The following KIAA1549L variants were observed in gnomAD, a reference collection of about 807,000 sequenced individuals.
KIAA1549L encodes the protein UPF0606 protein KIAA1549L.
KIAA1549L carries 88 observed loss-of-function variants against 160.7 expected under a neutral mutation model. The ratio of observed to expected loss-of-function variants is 0.55; its 90% CI spans 0.46 to 0.65. The LOEUF (loss-of-function observed/expected upper bound fraction) is 0.65, where lower values mean the gene tolerates loss of function less well. Among genes scored for constraint, KIAA1549L ranks in the 30% least tolerant of loss-of-function variants. The pLI, the probability that KIAA1549L is intolerant of heterozygous loss-of-function variation, is 0.00. For missense variants in KIAA1549L, 2,258 were observed against 2,437.5 expected, an observed-to-expected ratio of 0.93 and a Z score of 1.55; for synonymous variants, 950 against 976.7, an observed-to-expected ratio of 0.97 and a Z score of 0.51.
chr11:33,504,881 C>T (rs1853044280), intron 1 of KIAA1549L, among the ~76,000 whole-genome samples: 1 of 152,198 alleles, frequency 6.6e-6, no homozygotes, highest in African/African-American at 2.4e-5. Context: ...ATCTTCCTGC[C>T]TCAGTCTCCC....
chr11:33,640,114 ATGTG>A (rs144060713), intron 16 of KIAA1549L, among the ~76,000 whole-genome samples: 1 of 152,148 alleles, frequency 6.6e-6, no homozygotes, highest in Non-Finnish European at 1.5e-5. Flanking sequence ...GCCTGCATAT[ATGTG>A]TGTGTGTTTA....
rs1046791176 is a variant in KIAA1549L at position 33,670,689 on chromosome 11, G to A, written c.*2535G>A. ...CTCATAGAGGTGAGAGAGATGACTG[G>A]ACAGCTGACTCTAAGAGATGGTCAA... is the stretch of plus-strand genomic sequence containing the variant. On this transcript the variant is annotated 3_prime_UTR_variant, in exon 21 of 21. Transcript: ENST00000658780. The A allele has an allele frequency of 2.0e-5, 3 of 152,190 alleles. No individual in the cohort carries two copies. Among genetic ancestry groups the A allele is most frequent in the Non-Finnish European group, 4.4e-5 (3 of 68,048 alleles). The allele number at this position is 152,190 out of a possible 1,614,324, so 9.4% of individuals were successfully genotyped here. A position where few individuals can be genotyped will look rare whatever the true frequency, so the allele number is the denominator to read the frequency against.
chr11:33,531,898 T>C (rs1197448978), intron 1 of KIAA1549L, among the ~76,000 whole-genome samples: 1 of 152,184 alleles, frequency 6.6e-6, no homozygotes, highest in African/African-American at 2.4e-5. Flanking sequence ...CCGTGCTCAG[T>C]AATGTTTGCC....
chr11:33,526,007 C>T (rs927811227), intron 1 of KIAA1549L, among the ~76,000 whole-genome samples: 6 of 152,026 alleles, frequency 3.9e-5, no homozygotes, highest in Non-Finnish European at 5.9e-5. Flanking sequence ...AGTTCAGACC[C>T]GCCTACCCCA....
intron 16 of KIAA1549L, among the ~76,000 whole-genome samples, chr11:33,637,465 C>T (rs1851465748): frequency 6.6e-6 from 1 of 152,258 alleles, no homozygotes; most frequent in South Asian, 2.1e-4. Flanking sequence ...CCTGCATGAT[C>T]TGGACCCTGC....
At position 33,667,094 on chromosome 11, in the gene KIAA1549L, G is replaced by C. The variant is rs925629035; in HGVS notation, c.6160-779G>C. Among the ~76,000 whole-genome samples, 18 of 152,174 alleles carry C rather than the reference G, an allele frequency of 1.2e-4. 1 individual carries two copies. Among genetic ancestry groups the C allele is most frequent in the African/African-American group, 4.1e-4 (17 of 41,442 alleles). On this transcript the variant is annotated intron_variant, in intron 20 of 20. Coordinates refer to ENST00000658780, the MANE Select transcript of KIAA1549L (RefSeq NM_012194.3). ...CACCTGTAGTCCCAGCTACTCAGGAGGCTGAGGCAGGAGAATCACTCGAGC... is the reference window on the plus strand; with the variant it reads ...CACCTGTAGTCCCAGCTACTCAGGACGCTGAGGCAGGAGAATCACTCGAGC...
rs1368667416 is a variant in KIAA1549L at position 33,418,128 on chromosome 11, A to AG, written c.238+41241dup. Among the ~76,000 whole-genome samples, 3 of 152,306 alleles carry AG rather than the reference A, an allele frequency of 2.0e-5. No homozygotes were observed. The East Asian group carries it at 5.8e-4, about 29-fold the overall frequency. On this transcript the variant is annotated intron_variant, in intron 1 of 20. Transcript: ENST00000658780. ...TTTTCTTTATAACAATATTCGCTATAGGTCATATATATTGTGTTTATTGTT... is the reference window on the plus strand; with the variant it reads ...TTTTCTTTATAACAATATTCGCTATAGGGTCATATATATTGTGTTTATTGTT...
At chr11:33,574,561 G>A in intron 9 of KIAA1549L, 141 bp from the exon 10 acceptor site, 1 of 647,786 alleles carries the variant, frequency 1.5e-6, no homozygotes, top group Non-Finnish European at 2.6e-6. Context: ...TGAGAGGCTG[G>A]ATATAGGGAG....
Position 33,388,341 on chromosome 11 carries a change from C to T in KIAA1549L, c.238+11452C>T, listed in dbSNP as rs190648490. 7.3e-3 allele frequency among the ~76,000 whole-genome samples: 1,111 copies of T among 151,946 alleles called. 13 individuals are homozygous for T. The highest frequency in any genetic ancestry group is 0.026 in the South Asian group (123 of 4,808). ...TGAGAACTCACTATCAGAAGAATAG[C>T]GTAGGGGTAACTGCCCCCATGATTC... On this transcript the variant is annotated intron_variant, in intron 1 of 20. Transcript: ENST00000658780.
Position 33,507,065 on chromosome 11 carries a change from T to C in KIAA1549L, c.239-34737T>C, listed in dbSNP as rs572616708. ...TCCAGGGAAAATACCAAATTGCTGGTAACCTAAATGGGAACCAGCAAGGTG... is the reference window on the plus strand; with the variant it reads ...TCCAGGGAAAATACCAAATTGCTGGCAACCTAAATGGGAACCAGCAAGGTG... On this transcript the variant is annotated intron_variant, in intron 1 of 20. Transcript: ENST00000658780. Among the ~76,000 whole-genome samples the C allele has an allele frequency of 2.6e-4, 40 of 152,268 alleles. No individual in the cohort carries two copies. The East Asian group carries it at 7.6e-3, about 29-fold the overall frequency.
chr11:33,636,349 CTTTT>C (rs71034697), intron 16 of KIAA1549L, among the ~76,000 whole-genome samples: 3 of 136,132 alleles, frequency 2.2e-5, no homozygotes, highest in Non-Finnish European at 1.6e-5. Context: ...AATGAATCTT[CTTTT>C]TTTTTTTTTT....
At chr11:33,580,976 G>A (rs948840351) in intron 10 of KIAA1549L, among the ~76,000 whole-genome samples, 6 of 151,994 alleles carry the variant, frequency 3.9e-5, no homozygotes, top group African/African-American at 1.4e-4. Context: ...AGGGAGGGAG[G>A]CAAGGGTCCC....
At chr11:33,583,782 C>T (rs746906850) in intron 11 of KIAA1549L, among the ~76,000 whole-genome samples, 5 of 152,062 alleles carry the variant, frequency 3.3e-5, no homozygotes, top group Non-Finnish European at 7.3e-5. Context: ...ATGAGGAAAC[C>T]GAGGCATAGA....
Position 33,609,917 on chromosome 11 carries a change from T to C in KIAA1549L, c.5230T>C (p.Leu1744=), listed in dbSNP as rs574580802. The C allele has an allele frequency of 8.1e-6, 13 of 1,614,028 alleles. No homozygotes were observed. The South Asian group carries it at 1.2e-4, about 15-fold the overall frequency. The part of the protein sequence containing the change: ...EKAPKEMEHV[L]DPDSELCAPF... Reference sequence around the variant, plus strand: ...AGCCCCGAAGGAAATGGAGCATGTTTTGGATCCAGATTCAGAACTCTGTGC... The same window carrying C: ...AGCCCCGAAGGAAATGGAGCATGTTCTGGATCCAGATTCAGAACTCTGTGC... The change falls in exon 15 of 21, where the codon TTG becomes CTG. Residue 1744 remains leucine, a synonymous_variant. Coordinates refer to ENST00000658780, the MANE Select transcript of KIAA1549L (RefSeq NM_012194.3).
chr11:33,532,079 G>C (rs570750311), intron 1 of KIAA1549L, among the ~76,000 whole-genome samples: 2 of 152,276 alleles, frequency 1.3e-5, no homozygotes, highest in Non-Finnish European at 2.9e-5. Context: ...TGGAGTCCCA[G>C]GGCTGAGTCA....
intron 1 of KIAA1549L, among the ~76,000 whole-genome samples, chr11:33,433,980 A>G (rs1851304653): frequency 6.6e-6 from 1 of 151,950 alleles, no homozygotes; most frequent in Non-Finnish European, 1.5e-5. Flanking sequence ...GGATGGGTCA[A>G]TAGGTGGAGC....
intron 1 of KIAA1549L, among the ~76,000 whole-genome samples, chr11:33,409,058 G>A (rs1338003296): frequency 1.3e-5 from 2 of 151,698 alleles, no homozygotes; most frequent in Non-Finnish European, 2.9e-5. Flanking sequence ...ACAATAGTCA[G>A]AGGTTAGAAA....
chr11:33,408,414 A>G (rs998555090), intron 1 of KIAA1549L, among the ~76,000 whole-genome samples: 1 of 151,484 alleles, frequency 6.6e-6, no homozygotes, highest in Non-Finnish European at 1.5e-5. Context: ...CTAATATCTA[A>G]TATCTTCCAA....
rs527543188 is a variant in KIAA1549L, at chr11:33,589,692, A to G, written c.4567-1545A>G. ...AACCAAGCACCGCATGTTCTCACTC[A>G]TAGGTGGGAATTGAACAATGAGAAC... On this transcript the variant is annotated intron_variant, in intron 11 of 20. Coordinates refer to ENST00000658780, the MANE Select transcript of KIAA1549L (RefSeq NM_012194.3). Among the ~76,000 whole-genome samples the G allele has an allele frequency of 4.0e-3, 596 of 150,716 alleles. 2 individuals carry two copies. The highest frequency in any genetic ancestry group is 0.014 in the African/African-American group (576 of 41,198).
Sources: allele counts gnomAD v4.1 joint callset (sites outside exome capture counted in the v4.1 genomes callset), GRCh38; gene constraint gnomAD v4.1.1; transcripts MANE v1.5; gene names NCBI Gene and HGNC (gene_info 2026-07-23, HGNC 2026-07-21).